MEF2C: variants seen among roughly 807,000 people sequenced by gnomAD.
The protein encoded by MEF2C is myocyte-specific enhancer factor 2C.
In MEF2C, 6 loss-of-function variants were observed where a neutral mutation model predicts 50.5. The observed-to-expected ratio is 0.12, with a 90% CI of 0.07 to 0.23. The LOEUF (loss-of-function observed/expected upper bound fraction) is 0.23. MEF2C is among the 10% of genes least tolerant of loss of function. The probability of loss-of-function intolerance (pLI) is 1.00; values close to 1 mark genes in which losing one functional copy is unlikely to be tolerated. For synonymous variants in MEF2C, 183 were observed against 228.0 expected, an observed-to-expected ratio of 0.80 and a Z score of 1.78; for missense variants, 276 against 605.0, an observed-to-expected ratio of 0.46 and a Z score of 5.70.
At chr5:88,775,842 T>A (rs1427022846) in intron 3 of MEF2C, 7 of 981,446 alleles carry the variant, frequency 7.1e-6, no homozygotes, top group African/African-American at 1.8e-5. Context: ...AGTATTTTTG[T>A]GTGTGTGATT....
chr5:88,891,646 G>A (rs570521992), intron 1 of MEF2C, among the ~76,000 whole-genome samples: 6 of 152,096 alleles, frequency 3.9e-5, no homozygotes, highest in Admixed American at 6.5e-5. Context: ...TCCTGACCTC[G>A]TGATCTGCCT....
intron 1 of MEF2C, chr5:88,824,876 ATACTT>A (rs1481477207): frequency 6.6e-6 from 1 of 151,928 alleles, no homozygotes; most frequent in Non-Finnish European, 1.5e-5. Context: ...TTAAAAGTAC[ATACTT>A]TACTTGGTTT....
chr5:88,868,383 T>A (rs569097908), intron 1 of MEF2C, among the ~76,000 whole-genome samples: 19 of 152,254 alleles, frequency 1.2e-4, no homozygotes, highest in South Asian at 6.2e-4. Flanking sequence ...CCAGTGAAAT[T>A]TGGGATGATA....
chr5:88,843,910 A>G (rs79319142), intron 1 of MEF2C, among the ~76,000 whole-genome samples: 1 of 151,616 alleles, frequency 6.6e-6, no homozygotes, highest in Non-Finnish European at 1.5e-5. Flanking sequence ...CCTGGGTTCA[A>G]GCGATTCTCC....
At chr5:88,769,609 G>A (rs1035433604) in intron 3 of MEF2C, among the ~76,000 whole-genome samples, 1 of 152,156 alleles carries the variant, frequency 6.6e-6, no homozygotes, top group Non-Finnish European at 1.5e-5. Flanking sequence ...TGCATGATAG[G>A]ATATGCAGTT....
At chr5:88,867,999 C>T (rs916368867) in intron 1 of MEF2C, among the ~76,000 whole-genome samples, 5 of 152,128 alleles carry the variant, frequency 3.3e-5, no homozygotes, top group South Asian at 2.1e-4. Context: ...AATAATCTGT[C>T]TTTGCTCCAA....
intron 1 of MEF2C, among the ~76,000 whole-genome samples, chr5:88,897,096 G>C (rs1025641073): frequency 2.3e-4 from 35 of 152,224 alleles, no homozygotes; most frequent in African/African-American, 7.9e-4. Context: ...CACTAAAGGA[G>C]CTTATTTCTA....
chr5:88,740,366 T>C, intron 6 of MEF2C: 1 of 985,192 alleles, frequency 1.0e-6, no homozygotes, highest in Non-Finnish European at 1.2e-6. Flanking sequence ...AAATTTTACT[T>C]ATTACTAAGT....
intron 9 of MEF2C, 145 bp from the exon 10 acceptor site, chr5:88,728,773 T>G: frequency 1.5e-4 from 75 of 498,752 alleles, no homozygotes; most frequent in Middle Eastern, 5.8e-4. Flanking sequence ...GGAGGGGAGA[T>G]AAAGCATCAG....
At chr5:88,898,297 C>T (rs1835315960) in intron 1 of MEF2C, among the ~76,000 whole-genome samples, 2 of 152,148 alleles carry the variant, frequency 1.3e-5, no homozygotes, top group African/African-American at 4.8e-5. Context: ...TCTCAAATTT[C>T]TGTACAATTC....
chr5:88,785,794 C>A (rs867772488), intron 3 of MEF2C, among the ~76,000 whole-genome samples: 1 of 151,952 alleles, frequency 6.6e-6, no homozygotes, highest in African/African-American at 2.4e-5. Flanking sequence ...TGTCAGGTTC[C>A]CTGAAACAAA....
rs1052692477 is a variant in MEF2C, at chr5:88,748,730, T to A, written c.637+340A>T. Reference sequence around the variant, plus strand: ...GCTGGAAAATGATTCATATTTAATGTGAAATGATTAACAGAGAACACAAAA... The same window carrying A: ...GCTGGAAAATGATTCATATTTAATGAGAAATGATTAACAGAGAACACAAAA... On this transcript the variant is annotated intron_variant, in intron 6 of 10. Transcript: ENST00000504921. 5.3e-5 allele frequency: 51 copies of A among 964,540 alleles called. No homozygotes were observed. In the Middle Eastern group the frequency reaches 1.6e-3, roughly 30 times the overall value. 59.7% of individuals were successfully genotyped at this position (964,540 alleles called of 1,614,324 possible). A position where few individuals can be genotyped will look rare whatever the true frequency, so the allele number is the denominator to read the frequency against.
At chr5:88,871,688 T>G (rs555181455) in intron 1 of MEF2C, among the ~76,000 whole-genome samples, 1 of 152,216 alleles carries the variant, frequency 6.6e-6, no homozygotes, top group Non-Finnish European at 1.5e-5. Context: ...AGGGGTTCCC[T>G]GACACCAGTA....
intron 3 of MEF2C, among the ~76,000 whole-genome samples, chr5:88,793,801 C>G (rs969388192): frequency 2.0e-5 from 3 of 152,060 alleles, no homozygotes; most frequent in African/African-American, 4.8e-5. Context: ...CCTAGCCCCC[C>G]ACCCCACGAC....
chr5:88,773,428 GAA>G (rs1783313216), intron 3 of MEF2C, among the ~76,000 whole-genome samples: 1 of 152,124 alleles, frequency 6.6e-6, no homozygotes, highest in Admixed American at 6.6e-5. Context: ...AAATCACGTG[GAA>G]GAGAGAGTTA....
At chr5:88,775,824 G>T in intron 3 of MEF2C, 1 of 983,842 alleles carries the variant, frequency 1.0e-6, no homozygotes, top group Non-Finnish European at 1.2e-6. Context: ...AAATGGAAGG[G>T]TATAGAGAGT....
chr5:88,836,261 C>CA (rs1316551920), intron 1 of MEF2C, among the ~76,000 whole-genome samples: 2 of 151,742 alleles, frequency 1.3e-5, no homozygotes, highest in Admixed American at 6.6e-5. Context: ...GATATTATAA[C>CA]AAAAAATTGC....
chr5:88,733,019 A>G, intron 6 of MEF2C: 12 of 954,426 alleles, frequency 1.3e-5, no homozygotes, highest in Middle Eastern at 5.4e-4. Flanking sequence ...AAGCTCTGAA[A>G]TCTCTTTGTG....
chr5:88,788,186 A>G (rs1247747418), intron 3 of MEF2C, among the ~76,000 whole-genome samples: 7 of 138,476 alleles, frequency 5.1e-5, no homozygotes, highest in African/African-American at 1.5e-4. Context: ...TTGTTTATTT[A>G]TTTATTTATT....
Sources: gnomAD v4.1 joint callset for allele counts (sites outside exome capture counted in the v4.1 genomes callset) on GRCh38, gnomAD v4.1.1 for gene constraint, MANE v1.5 for transcripts, NCBI Gene and HGNC (gene_info 2026-07-23, HGNC 2026-07-21) for gene names.